The following GALNT13 variants were observed in gnomAD, a reference collection of about 807,000 sequenced individuals.
GALNT13 encodes polypeptide N-acetylgalactosaminyltransferase 13.
GALNT13 carries 28 observed loss-of-function variants against 64.2 expected under a neutral mutation model. That is an observed-to-expected ratio of 0.44 (90% CI 0.32 to 0.60). The LOEUF is 0.60. GALNT13 is among the 20% of genes least tolerant of loss of function. The probability of loss-of-function intolerance (pLI) is 0.05; values close to 1 mark genes in which losing one functional copy is unlikely to be tolerated. For missense variants in GALNT13, 577 were observed against 669.8 expected, an observed-to-expected ratio of 0.86 and a Z score of 1.53; for synonymous variants, 214 against 224.6, an observed-to-expected ratio of 0.95 and a Z score of 0.42.
At chr2:153,830,853 ATG>A in the GALNT13 span, among the ~76,000 whole-genome samples, 1 of 152,094 alleles carries the variant, frequency 6.6e-6, no homozygotes, top group African/African-American at 2.4e-5. Flanking sequence ...TGCTCTTTAT[ATG>A]TGTTTACGTA....
At chr2:153,982,132 A>G (rs1273070133) in intron 3 of GALNT13, among the ~76,000 whole-genome samples, 19 of 151,994 alleles carry the variant, frequency 1.3e-4, no homozygotes, top group Admixed American at 1.2e-3. Flanking sequence ...TTTCTCTCAT[A>G]TTTCACTATA....
chr2:153,989,335 A>C (rs1695013068), intron 3 of GALNT13, among the ~76,000 whole-genome samples: 1 of 151,786 alleles, frequency 6.6e-6, no homozygotes, highest in Non-Finnish European at 1.5e-5. Context: ...AAAAGGCCAC[A>C]TCCTTTAAGG....
chr2:153,131,382 G>T, the GALNT13 span, among the ~76,000 whole-genome samples: 1 of 152,026 alleles, frequency 6.6e-6, no homozygotes, highest in Non-Finnish European at 1.5e-5. Flanking sequence ...AAATTGATGG[G>T]TGACTTCATG....
chr2:154,356,030 T>A (rs1288464592), intron 9 of GALNT13, among the ~76,000 whole-genome samples: 1 of 152,010 alleles, frequency 6.6e-6, no homozygotes, highest in African/African-American at 2.4e-5. Context: ...TCGATTTGAT[T>A]TAATTTAGGT....
At chr2:154,433,856 A>G (rs1700810896) in intron 11 of GALNT13, among the ~76,000 whole-genome samples, 1 of 152,148 alleles carries the variant, frequency 6.6e-6, no homozygotes, top group Non-Finnish European at 1.5e-5. Context: ...TTGTGGCCTG[A>G]ATTGTGCTCT....
intron 9 of GALNT13, among the ~76,000 whole-genome samples, chr2:154,320,527 CT>C (rs1000574198): frequency 2.0e-5 from 3 of 152,094 alleles, no homozygotes; most frequent in African/African-American, 7.2e-5. Context: ...TCACAGAAGT[CT>C]TTTTTTCCAC....
At chr2:153,181,030 C>CTTTTTTTTTTTTTTTTTTTTTT in the GALNT13 span, among the ~76,000 whole-genome samples, 4 of 32,100 alleles carry the variant, frequency 1.2e-4, no homozygotes, top group Non-Finnish European at 1.6e-4. Context: ...TTTATTGTTT[C>CTTTTTTTTTTTTTTTTTTTTTT]TTTTTTTTTT....
chr2:153,673,041 T>G, the GALNT13 span, among the ~76,000 whole-genome samples: 1 of 152,096 alleles, frequency 6.6e-6, no homozygotes. Flanking sequence ...ACCAATAACA[T>G]GTTCTGAAAT....
chr2:154,068,602 T>C (rs1700588399), intron 3 of GALNT13, among the ~76,000 whole-genome samples: 1 of 151,988 alleles, frequency 6.6e-6, no homozygotes, highest in African/African-American at 2.4e-5. Flanking sequence ...GATCATTATG[T>C]TAAGTGAAAT....
chr2:154,449,277 A>G (rs1403159743), intron 12 of GALNT13, among the ~76,000 whole-genome samples: 1 of 151,760 alleles, frequency 6.6e-6, no homozygotes, highest in Non-Finnish European at 1.5e-5. Context: ...CCTATTCTCC[A>G]TTCCATCATT....
At chr2:153,899,933 A>ATTTT (rs1291457023) in intron 1 of GALNT13, among the ~76,000 whole-genome samples, 4 of 86,408 alleles carry the variant, frequency 4.6e-5, no homozygotes, top group East Asian at 3.6e-4. Context: ...ATATATATAT[A>ATTTT]TATTTTTTTT....
the GALNT13 span, among the ~76,000 whole-genome samples, chr2:153,495,743 GA>G: frequency 6.6e-6 from 1 of 151,758 alleles, no homozygotes; most frequent in Non-Finnish European, 1.5e-5. Flanking sequence ...AATGGTTTCT[GA>G]AACAGTGGGG....
At chr2:154,040,442 T>C (rs748889042) in intron 3 of GALNT13, among the ~76,000 whole-genome samples, 5 of 140,766 alleles carry the variant, frequency 3.6e-5, no homozygotes, top group Non-Finnish European at 8.2e-5. Context: ...TGGTAAAGAC[T>C]TTGAAATCAT....
At chr2:153,565,525 G>A in the GALNT13 span, among the ~76,000 whole-genome samples, 3 of 151,970 alleles carry the variant, frequency 2.0e-5, no homozygotes, top group African/African-American at 7.3e-5. Context: ...GTAGATAAGA[G>A]CACACTCCAT....
At chr2:153,639,447 C>A in the GALNT13 span, among the ~76,000 whole-genome samples, 2 of 152,054 alleles carry the variant, frequency 1.3e-5, no homozygotes, top group African/African-American at 4.8e-5. Flanking sequence ...ATTCAAGGAA[C>A]TGGGTGGCTA....
the GALNT13 span, among the ~76,000 whole-genome samples, chr2:153,695,249 G>T: frequency 1.3e-5 from 2 of 152,160 alleles, no homozygotes; most frequent in African/African-American, 4.8e-5. Context: ...GAGGAAATTA[G>T]ATATTCAGCA....
At chr2:154,192,065 C>A (rs1026115655) in intron 4 of GALNT13, among the ~76,000 whole-genome samples, 2 of 152,140 alleles carry the variant, frequency 1.3e-5, no homozygotes, top group East Asian at 3.9e-4. Flanking sequence ...AGGTGGTTTT[C>A]CCCTGGAGTC....
the GALNT13 span, among the ~76,000 whole-genome samples, chr2:153,327,098 A>AT: frequency 4.2e-4 from 64 of 151,314 alleles, no homozygotes; most frequent in African/African-American, 1.5e-3. Flanking sequence ...AATAAAAAAA[A>AT]AAATAAATAA....
chr2:154,022,282 C>G (rs1332860034), intron 3 of GALNT13, among the ~76,000 whole-genome samples: 1 of 152,072 alleles, frequency 6.6e-6, no homozygotes, highest in Non-Finnish European at 1.5e-5. Flanking sequence ...GGAATGGTAC[C>G]AGCTCTTCTT....
Sources: allele counts gnomAD v4.1 joint callset (sites outside exome capture counted in the v4.1 genomes callset), GRCh38; gene constraint gnomAD v4.1.1; transcripts MANE v1.5; gene names NCBI Gene and HGNC (gene_info 2026-07-23, HGNC 2026-07-21).